GCNT2: variants seen among roughly 807,000 people sequenced by gnomAD.
GCNT2 encodes the protein glucosaminyl (N-acetyl) transferase 2 (I blood group).
A neutral mutation model predicts 34.2 loss-of-function variants in GCNT2; 34 were observed. The ratio of observed to expected loss-of-function variants is 1.00; its 90% CI spans 0.76 to 1.32. GCNT2 has a LOEUF of 1.32. GCNT2 is among the 40% of genes most tolerant of loss of function. The pLI is 0.00. For synonymous variants in GCNT2, 212 were observed against 188.0 expected, an observed-to-expected ratio of 1.13 and a Z score of -1.04; for missense variants, 584 against 489.4, an observed-to-expected ratio of 1.19 and a Z score of -1.82.
At chr6:10,585,706 G>GGGCTGGGCTT in intron 3 of GCNT2, 1 of 1,207,476 alleles carries the variant, frequency 8.3e-7, no homozygotes, top group Non-Finnish European at 1.1e-6. Context: ...AGGCTGGACT[G>GGGCTGGGCTT]GGCTGGGCTT....
At chr6:10,561,884 T>G (rs1409504832) in intron 3 of GCNT2, among the ~76,000 whole-genome samples, 7 of 152,230 alleles carry the variant, frequency 4.6e-5, no homozygotes, top group Non-Finnish European at 1.0e-4. Context: ...TGATCCCATT[T>G]CCTCATTTTT....
chr6:10,591,910 T>C (rs1322053091), intron 3 of GCNT2, among the ~76,000 whole-genome samples: 1 of 152,216 alleles, frequency 6.6e-6, no homozygotes. Context: ...ACTGGGACCT[T>C]ACGTCTGGGT....
chr6:10,578,258 A>G (rs1763909504), intron 3 of GCNT2, among the ~76,000 whole-genome samples: 1 of 151,526 alleles, frequency 6.6e-6, no homozygotes, highest in East Asian at 2.0e-4. Context: ...GGACACATCT[A>G]TAATCCCAGC....
rs1192323024 is a variant in GCNT2 at position 10,586,394 on chromosome 6, G to A, written c.926-34957G>A. The A allele has an allele frequency of 5.0e-6, 8 of 1,614,066 alleles. No individual in the cohort carries two copies. The East Asian group carries it at 6.7e-5, about 13-fold the overall frequency. ...ACGTGGATGAGAAAGCCCCAGCTGA[G>A]TATAAGGAATCTGTGAGGCAGTTAC... On this transcript the variant is annotated intron_variant, in intron 3 of 4. Transcript: ENST00000495262.
Position 10,538,343 on chromosome 6 carries a change from G to C in GCNT2, c.925+8507G>C, listed in dbSNP as rs542321508. Among the ~76,000 whole-genome samples the C allele has an allele frequency of 2.8e-3, 403 of 144,374 alleles. 2 individuals are homozygous for C. Among genetic ancestry groups the C allele is most frequent in the Non-Finnish European group, 4.4e-3 (296 of 67,096 alleles). The allele number at this position is 144,374 out of a possible 152,430, so 94.7% of individuals were successfully genotyped here. ...GAATCGCTTGAACCTGGGATGCAGA[G>C]GTTGCAGTGAGCTGAGATCGCACCA... On this transcript the variant is annotated intron_variant, in intron 3 of 4. Transcript: ENST00000495262.
chr6:10,606,906 AAAG>A (rs1176902637), intron 3 of GCNT2, among the ~76,000 whole-genome samples: 1 of 151,982 alleles, frequency 6.6e-6, no homozygotes, highest in Non-Finnish European at 1.5e-5. Flanking sequence ...CCATTGCAAT[AAAG>A]AAATACCTGA....
Position 10,588,745 on chromosome 6 carries a change from TTGTGTGGTGTG to T in GCNT2, c.926-32593_926-32583del, listed in dbSNP as rs1196066784. 1.1e-4 allele frequency among the ~76,000 whole-genome samples: 16 copies of T among 149,676 alleles called. 1 individual carries two copies. The highest frequency in any genetic ancestry group is 5.9e-4 in the East Asian group (3 of 5,098). On this transcript the variant is annotated intron_variant, in intron 3 of 4. Coordinates refer to ENST00000495262, the MANE Select transcript of GCNT2 (RefSeq NM_145649.5). Reference sequence around the variant, plus strand: ...GTGTGTGTGTGGTGTCCCAATATGCTTGTGTGGTGTGTGTGTGGTGTGTTTGTAGTGTGTGT... The same window carrying T: ...GTGTGTGTGTGGTGTCCCAATATGCTTGTGTGGTGTGTTTGTAGTGTGTGT...
Position 10,579,489 on chromosome 6 carries a change from C to T in GCNT2, c.926-41862C>T, listed in dbSNP as rs545659521. Reference sequence around the variant, plus strand: ...TTTCATAGACATTAACTTGTTTGATCTCTATAAGTACTAGAGATATTGATC... The same window carrying T: ...TTTCATAGACATTAACTTGTTTGATTTCTATAAGTACTAGAGATATTGATC... On this transcript the variant is annotated intron_variant, in intron 3 of 4. Coordinates refer to ENST00000495262, the MANE Select transcript of GCNT2 (RefSeq NM_145649.5). Among the ~76,000 whole-genome samples the T allele has an allele frequency of 3.9e-5, 6 of 152,152 alleles. No individual in the cohort carries two copies. In the East Asian group the frequency reaches 9.6e-4, roughly 24 times the overall value.
chr6:10,551,773 T>C (rs1581394196), intron 3 of GCNT2, among the ~76,000 whole-genome samples: 1 of 151,516 alleles, frequency 6.6e-6, no homozygotes, highest in African/African-American at 2.4e-5. Flanking sequence ...TATTCATCTT[T>C]TGAGACGCAG....
intron 3 of GCNT2, among the ~76,000 whole-genome samples, chr6:10,531,999 G>C (rs1761516121): frequency 6.6e-6 from 1 of 151,232 alleles, no homozygotes; most frequent in Non-Finnish European, 1.5e-5. Context: ...AGAGAAATTA[G>C]ACCAACTCTG....
At chr6:10,585,453 T>C (rs1228514691) in intron 3 of GCNT2, among the ~76,000 whole-genome samples, 4 of 152,150 alleles carry the variant, frequency 2.6e-5, no homozygotes, top group Non-Finnish European at 4.4e-5. Context: ...GAGGAGCCGA[T>C]ATCCTTAAAT....
At chr6:10,598,084 A>G (rs1350367102) in intron 3 of GCNT2, among the ~76,000 whole-genome samples, 1 of 152,138 alleles carries the variant, frequency 6.6e-6, no homozygotes, top group East Asian at 1.9e-4. Flanking sequence ...CATGTGTAAA[A>G]TGAGGAAATT....
chr6:10,598,845 C>CT (rs917761367), intron 3 of GCNT2, among the ~76,000 whole-genome samples: 3 of 152,174 alleles, frequency 2.0e-5, no homozygotes, highest in Non-Finnish European at 4.4e-5. Context: ...ATTATGTTCT[C>CT]TCTCTGATTC....
intron 3 of GCNT2, among the ~76,000 whole-genome samples, chr6:10,595,927 T>A (rs994423304): frequency 3.3e-5 from 5 of 152,138 alleles, no homozygotes; most frequent in Admixed American, 3.3e-4. Flanking sequence ...TTATGCAAAC[T>A]CAAAGCAAAA....
At chr6:10,580,695 C>A (rs1002615231) in intron 3 of GCNT2, among the ~76,000 whole-genome samples, 1 of 152,080 alleles carries the variant, frequency 6.6e-6, no homozygotes, top group African/African-American at 2.4e-5. Flanking sequence ...AGGTCCGACT[C>A]GGGTTCCAGT....
intron 1 of GCNT2, among the ~76,000 whole-genome samples, chr6:10,523,799 C>A (rs146450590): frequency 6.6e-6 from 1 of 151,752 alleles, no homozygotes; most frequent in African/African-American, 2.4e-5. Flanking sequence ...GGTGAAACCC[C>A]GTCTCTATTA....
At chr6:10,560,739 CT>C (rs572271267) in intron 3 of GCNT2, among the ~76,000 whole-genome samples, 5 of 149,054 alleles carry the variant, frequency 3.4e-5, no homozygotes, top group Non-Finnish European at 4.5e-5. Flanking sequence ...TTCACACTGC[CT>C]TTTTTTTTTC....
At chr6:10,548,509 C>G (rs1156666093) in intron 3 of GCNT2, among the ~76,000 whole-genome samples, 1 of 152,234 alleles carries the variant, frequency 6.6e-6, no homozygotes, top group Non-Finnish European at 1.5e-5. Flanking sequence ...CGTCATCACT[C>G]ATACTTTCCT....
At chr6:10,533,373 G>A (rs1423436066) in intron 3 of GCNT2, among the ~76,000 whole-genome samples, 4 of 152,054 alleles carry the variant, frequency 2.6e-5, no homozygotes, top group Non-Finnish European at 5.9e-5. Flanking sequence ...CTCATGGGAA[G>A]GGAGAACAGC....
Sources: allele counts gnomAD v4.1 joint callset (sites outside exome capture counted in the v4.1 genomes callset), GRCh38; gene constraint gnomAD v4.1.1; transcripts MANE v1.5; gene names NCBI Gene and HGNC (gene_info 2026-07-23, HGNC 2026-07-21).